Variants in SLC25A21 observed in about 807,000 individuals in gnomAD.
The protein encoded by SLC25A21 is solute carrier family 25 member 21.
In SLC25A21, 47 loss-of-function variants were observed where a neutral mutation model predicts 43.8. That is an observed-to-expected ratio of 1.07 (90% CI 0.85 to 1.37). The LOEUF (loss-of-function observed/expected upper bound fraction) is 1.37, where lower values mean the gene tolerates loss of function less well. Among genes scored for constraint, SLC25A21 ranks in the 40% most tolerant of loss-of-function variants. The pLI, the probability that SLC25A21 is intolerant of heterozygous loss-of-function variation, is 0.00. For missense variants in SLC25A21, 352 were observed against 350.2 expected, an observed-to-expected ratio of 1.00 and a Z score of -0.04; for synonymous variants, 131 against 121.3, an observed-to-expected ratio of 1.08 and a Z score of -0.52.
chr14:37,115,356 A>T (rs1328080289), intron 1 of SLC25A21, among the ~76,000 whole-genome samples: 1 of 152,184 alleles, frequency 6.6e-6, no homozygotes, highest in Non-Finnish European at 1.5e-5. Flanking sequence ...GAAGAGTCTG[A>T]CAAATATCTG....
chr14:37,144,816 A>G (rs1012933395), intron 1 of SLC25A21, among the ~76,000 whole-genome samples: 5 of 151,984 alleles, frequency 3.3e-5, no homozygotes, highest in African/African-American at 1.2e-4. Flanking sequence ...TATTTTTAGT[A>G]GAGATAGGAT....
At chr14:37,110,787 C>G (rs1963004862) in intron 1 of SLC25A21, among the ~76,000 whole-genome samples, 1 of 152,134 alleles carries the variant, frequency 6.6e-6, no homozygotes, top group Non-Finnish European at 1.5e-5. Context: ...ATAATATTCA[C>G]GACAGAGGAA....
At chr14:36,970,932 A>T (rs1054007953) in intron 1 of SLC25A21, among the ~76,000 whole-genome samples, 1 of 152,180 alleles carries the variant, frequency 6.6e-6, no homozygotes, top group Admixed American at 6.5e-5. Flanking sequence ...ACATTTATAG[A>T]GTCTATGTTT....
chr14:36,881,946 C>T (rs1007837581), intron 1 of SLC25A21, among the ~76,000 whole-genome samples: 1 of 152,196 alleles, frequency 6.6e-6, no homozygotes, highest in African/African-American at 2.4e-5. Flanking sequence ...TTATTATACA[C>T]TGTTCTGTTC....
At chr14:36,826,286 C>T (rs1888829618) in intron 2 of SLC25A21, among the ~76,000 whole-genome samples, 1 of 152,182 alleles carries the variant, frequency 6.6e-6, no homozygotes, top group Non-Finnish European at 1.5e-5. Context: ...GAATTACCCT[C>T]CTGTTCTCCT....
intron 2 of SLC25A21, among the ~76,000 whole-genome samples, chr14:36,840,939 C>G (rs1007775583): frequency 1.3e-5 from 2 of 152,208 alleles, no homozygotes; most frequent in Admixed American, 1.3e-4. Context: ...TGCCTACCCA[C>G]TCTGAGTCTA....
intron 1 of SLC25A21, among the ~76,000 whole-genome samples, chr14:37,128,054 C>T (rs1963327754): frequency 6.6e-6 from 1 of 152,170 alleles, no homozygotes; most frequent in Non-Finnish European, 1.5e-5. Flanking sequence ...CTGGAAGGTA[C>T]TTTTGTTTAT....
chr14:36,975,286 G>A (rs1043288083), intron 1 of SLC25A21, among the ~76,000 whole-genome samples: 19 of 152,198 alleles, frequency 1.2e-4, no homozygotes, highest in Non-Finnish European at 2.6e-4. Context: ...ATGGGCGTTT[G>A]AGCTGGTTTC....
chr14:37,022,055 A>AT (rs11297120), intron 1 of SLC25A21, among the ~76,000 whole-genome samples: 26,290 of 150,140 alleles, frequency 0.18, 2,486 homozygotes, highest in Middle Eastern at 0.22. Flanking sequence ...CTTCATAGGG[A>AT]TTTTTTTTTT....
At chr14:36,705,046 G>C (rs2139176995) in intron 7 of SLC25A21, among the ~76,000 whole-genome samples, 1 of 152,132 alleles carries the variant, frequency 6.6e-6, no homozygotes, top group East Asian at 1.9e-4. Context: ...TGAGTTACCG[G>C]GGCTTACCGT....
intron 1 of SLC25A21, among the ~76,000 whole-genome samples, chr14:37,123,868 A>C (rs1963253308): frequency 2.0e-5 from 3 of 152,132 alleles, no homozygotes; most frequent in Non-Finnish European, 4.4e-5. Context: ...CATAAATAAA[A>C]ATTAAATAAG....
intron 1 of SLC25A21, among the ~76,000 whole-genome samples, chr14:37,016,769 C>T (rs550996666): frequency 3.9e-5 from 6 of 152,210 alleles, no homozygotes; most frequent in East Asian, 1.9e-4. Flanking sequence ...CCTTCATCAA[C>T]GATCTTAGCT....
chr14:37,054,098 C>T (rs146903393), intron 1 of SLC25A21, among the ~76,000 whole-genome samples: 193 of 152,288 alleles, frequency 1.3e-3, no homozygotes, highest in Admixed American at 2.5e-3. Flanking sequence ...AAAGTAACAT[C>T]AAAGCCTAGG....
chr14:37,074,868 T>C (rs1962248589), intron 1 of SLC25A21, among the ~76,000 whole-genome samples: 1 of 152,126 alleles, frequency 6.6e-6, no homozygotes, highest in African/African-American at 2.4e-5. Flanking sequence ...CACTCGTCAC[T>C]CATTGCTTCA....
chr14:36,733,334 A>G (rs977092413), intron 4 of SLC25A21, among the ~76,000 whole-genome samples: 10 of 152,190 alleles, frequency 6.6e-5, no homozygotes, highest in African/African-American at 2.4e-4. Context: ...AACTTATTCC[A>G]GATTCATTAC....
At chr14:36,948,177 C>T (rs975939763) in intron 1 of SLC25A21, among the ~76,000 whole-genome samples, 1 of 152,146 alleles carries the variant, frequency 6.6e-6, no homozygotes, top group African/African-American at 2.4e-5. Flanking sequence ...ACTAGAATTA[C>T]TGCCTTATTT....
chr14:36,717,816 CT>C (rs1884207280), intron 6 of SLC25A21, among the ~76,000 whole-genome samples: 1 of 152,120 alleles, frequency 6.6e-6, no homozygotes, highest in African/African-American at 2.4e-5. Flanking sequence ...CTTTTTTGGG[CT>C]TTATTTTCTC....
chr14:36,693,674 C>T (rs2139155868), intron 7 of SLC25A21, among the ~76,000 whole-genome samples: 1 of 152,002 alleles, frequency 6.6e-6, no homozygotes, highest in South Asian at 2.1e-4. Flanking sequence ...TGTTTTGTCG[C>T]CCAGCCTGGA....
At chr14:36,988,154 A>T (rs1960186770) in intron 1 of SLC25A21, among the ~76,000 whole-genome samples, 3 of 152,164 alleles carry the variant, frequency 2.0e-5, no homozygotes, top group Admixed American at 6.6e-5. Context: ...CCATCTACCC[A>T]TCACCTGTGT....
Sources: gnomAD v4.1 joint callset for allele counts (sites outside exome capture counted in the v4.1 genomes callset) on GRCh38, gnomAD v4.1.1 for gene constraint, MANE v1.5 for transcripts, NCBI Gene and HGNC (gene_info 2026-07-23, HGNC 2026-07-21) for gene names.